The following C2orf42 variants were observed in gnomAD, a reference collection of about 807,000 sequenced individuals.
The protein encoded by C2orf42 is uncharacterized protein C2orf42.
C2orf42 carries 44 observed loss-of-function variants against 58.9 expected under a neutral mutation model. The ratio of observed to expected loss-of-function variants is 0.75; its 90% confidence interval spans 0.59 to 0.96. The LOEUF (loss-of-function observed/expected upper bound fraction) is 0.96, where lower values mean the gene tolerates loss of function less well. C2orf42 is among the 40% of genes least tolerant of loss of function. The pLI is 0.00. For synonymous variants in C2orf42, 239 were observed against 265.4 expected (o/e 0.90, Z 0.97); for missense variants, 630 against 699.2 (o/e 0.90, Z 1.12).
At chr2:70,161,729 A>G (rs940530151) in intron 8 of C2orf42, among the ~76,000 whole-genome samples, 11 of 151,462 alleles carry the variant, frequency 7.3e-5, no homozygotes, top group Admixed American at 3.3e-4. Flanking sequence ...AATCCCAGCT[A>G]CTCAGAAGGC....
intron 5 of C2orf42, among the ~76,000 whole-genome samples, chr2:70,170,285 C>T (rs559112508): frequency 6.7e-6 from 1 of 149,842 alleles, no homozygotes; most frequent in Non-Finnish European, 1.5e-5. Context: ...CTCACTCTGT[C>T]GCCCTGGTTG....
chr2:70,177,126 G>A (rs1167290015), intron 4 of C2orf42, among the ~76,000 whole-genome samples: 1 of 151,958 alleles, frequency 6.6e-6, no homozygotes, highest in Non-Finnish European at 1.5e-5. Context: ...ACAAAAATTA[G>A]CTGGGTGTGG....
chr2:70,178,607 C>CTAAATAAA (rs1019314839), intron 4 of C2orf42, among the ~76,000 whole-genome samples: 19 of 151,104 alleles, frequency 1.3e-4, no homozygotes, highest in African/African-American at 4.1e-4. Context: ...GACTCCATCT[C>CTAAATAAA]TAAATAAATA....
chr2:70,167,539 G>A (rs1673483970), intron 6 of C2orf42, among the ~76,000 whole-genome samples: 2 of 151,578 alleles, frequency 1.3e-5, no homozygotes, highest in Admixed American at 6.6e-5. Flanking sequence ...TCAGAAGTTC[G>A]AGACCAGCCT....
rs903798253 is a variant in C2orf42, at chr2:70,150,324, T to C, written c.*32A>G. 6.3e-7 allele frequency: 1 copy of C among 1,587,268 alleles called. No homozygotes were observed. Among genetic ancestry groups the C allele is most frequent in the Non-Finnish European group, 8.6e-7 (1 of 1,158,912 alleles). On this transcript the variant is annotated 3_prime_UTR_variant, in exon 10 of 10. Coordinates refer to ENST00000264434, the MANE Select transcript of C2orf42 (RefSeq NM_017880.3). ...TGTCAAGGGGTGGGGATGTGCAAAT[T>C]AAGCAGCAAAAGATTATTATCTTGT... is the stretch of plus-strand genomic sequence containing the variant.
intron 4 of C2orf42, among the ~76,000 whole-genome samples, chr2:70,179,071 G>A (rs1222962112): frequency 1.3e-5 from 2 of 152,056 alleles, no homozygotes. Context: ...ACACTCTATG[G>A]ATGAAAACTT....
Position 70,182,713 on chromosome 2 carries a change from A to C in C2orf42, c.-59T>G, listed in dbSNP as rs1242254358. 1.3e-5 allele frequency: 2 copies of C among 152,212 alleles called. No homozygotes were observed. The highest frequency in any genetic ancestry group is 2.9e-5 in the Non-Finnish European group (2 of 68,046). The allele number at this position is 152,212 out of a possible 1,614,324, so 9.4% of individuals were successfully genotyped here. A position where few individuals can be genotyped will look rare whatever the true frequency, so the allele number is the denominator to read the frequency against. On this transcript the variant is annotated 5_prime_UTR_variant, in exon 2 of 10. It removes an upstream start codon present in the reference 5' UTR. Transcript: ENST00000264434. ...CTGGAAAACAGTGTAACCTGAATTCATAAGACTTAAAAGGTGTTTCATTAG... is the reference window on the plus strand; with the variant it reads ...CTGGAAAACAGTGTAACCTGAATTCCTAAGACTTAAAAGGTGTTTCATTAG...
chr2:70,172,002 C>T (rs1479472172), intron 5 of C2orf42, among the ~76,000 whole-genome samples: 1 of 151,466 alleles, frequency 6.6e-6, no homozygotes, highest in African/African-American at 2.4e-5. Context: ...GCGGGTGGAT[C>T]ACCTGAGGTC....
At chr2:70,154,202 G>A (rs1184706768) in intron 9 of C2orf42, among the ~76,000 whole-genome samples, 1 of 151,844 alleles carries the variant, frequency 6.6e-6, no homozygotes, top group Non-Finnish European at 1.5e-5. Flanking sequence ...AAGGCAGCTG[G>A]ATGAGAGTAA....
At chr2:70,184,349 G>A (rs990711016) in intron 1 of C2orf42, among the ~76,000 whole-genome samples, 6 of 151,840 alleles carry the variant, frequency 4.0e-5, no homozygotes, top group Non-Finnish European at 5.9e-5. Context: ...GCTAATTTTT[G>A]TATTTTTAGT....
chr2:70,170,979 G>A (rs2104917904), intron 5 of C2orf42, among the ~76,000 whole-genome samples: 1 of 151,792 alleles, frequency 6.6e-6, no homozygotes, highest in Middle Eastern at 3.4e-3. Context: ...GCCAGGCGAG[G>A]TGGCAGGCAC....
At chr2:70,156,268 T>C (rs1672668470) in intron 9 of C2orf42, among the ~76,000 whole-genome samples, 1 of 151,932 alleles carries the variant, frequency 6.6e-6, no homozygotes, top group Admixed American at 6.6e-5. Flanking sequence ...ATAATAAATA[T>C]AAAGAGGATA....
chr2:70,185,668 G>A (rs575499396), intron 1 of C2orf42, among the ~76,000 whole-genome samples: 10 of 151,444 alleles, frequency 6.6e-5, no homozygotes, highest in African/African-American at 7.3e-5. Context: ...AGCCAAGATC[G>A]CACCACTGCA....
chr2:70,189,406 C>CAA (rs1182514916), intron 1 of C2orf42, among the ~76,000 whole-genome samples: 1,453 of 27,082 alleles, frequency 0.054, 129 homozygotes, highest in African/African-American at 0.067. Flanking sequence ...AACTCCATCT[C>CAA]AAAAAAAAAA....
At chr2:70,165,374 T>C (rs1053085242) in intron 7 of C2orf42, among the ~76,000 whole-genome samples, 154 bp downstream of exon 7, 12 of 152,228 alleles carry the variant, frequency 7.9e-5, no homozygotes, top group African/African-American at 2.2e-4. Flanking sequence ...ATGTAGATAA[T>C]TGATATGCTG....
At chr2:70,159,588 C>T (rs1672925741) in intron 9 of C2orf42, among the ~76,000 whole-genome samples, 1 of 130,616 alleles carries the variant, frequency 7.7e-6, no homozygotes, top group Admixed American at 8.3e-5. Flanking sequence ...GAGACTCCCT[C>T]TCCAAAAAAA....
intron 1 of C2orf42, chr2:70,190,174 G>A (rs1267483920): frequency 6.6e-6 from 1 of 152,188 alleles, no homozygotes; most frequent in Non-Finnish European, 1.5e-5. Context: ...AAAGAACGTG[G>A]ATTTGAAACC....
At chr2:70,166,577 G>A (rs1673421899) in intron 6 of C2orf42, among the ~76,000 whole-genome samples, 1 of 151,098 alleles carries the variant, frequency 6.6e-6, no homozygotes, top group Non-Finnish European at 1.5e-5. Context: ...TCAGGAAGCT[G>A]AGGCAGGAGA....
intron 9 of C2orf42, among the ~76,000 whole-genome samples, chr2:70,156,689 G>A (rs945036140): frequency 5.3e-5 from 8 of 151,778 alleles, no homozygotes; most frequent in South Asian, 2.1e-4. Flanking sequence ...GTAAGACCTC[G>A]TCCCTACTAA....
Sources: allele counts gnomAD v4.1 joint callset (sites outside exome capture counted in the v4.1 genomes callset), GRCh38; gene constraint gnomAD v4.1.1; transcripts MANE v1.5; gene names NCBI Gene and HGNC (gene_info 2026-07-23, HGNC 2026-07-21).